The following CELSR1 variants were observed in gnomAD, a reference collection of about 807,000 sequenced individuals.
CELSR1 encodes the protein cadherin EGF LAG seven-pass G-type receptor 1, also known as adhesion G protein-coupled receptor C1.
Under a neutral mutation model 249.1 loss-of-function variants are expected in CELSR1, and 110 were observed. That is an observed-to-expected ratio of 0.44 (90% CI 0.38 to 0.52). CELSR1 has a LOEUF of 0.52. Ranked by LOEUF, CELSR1 falls within the 20% of genes least tolerant of loss-of-function variation. CELSR1 has a pLI of 0.00. For missense variants in CELSR1, 4,109 were observed against 4,296.4 expected (o/e 0.96, Z 1.22); for synonymous variants, 2,113 against 1,900.0 (o/e 1.11, Z -2.92).
At chr22:46,528,668 C>T (rs2080762142) in intron 1 of CELSR1, among the ~76,000 whole-genome samples, 1 of 152,234 alleles carries the variant, frequency 6.6e-6, no homozygotes, top group Admixed American at 6.5e-5. Context: ...GTGGCTCACG[C>T]CTGTAATCCC....
chr22:46,392,538 T>C (rs936367650), intron 14 of CELSR1, among the ~76,000 whole-genome samples: 4 of 152,230 alleles, frequency 2.6e-5, no homozygotes, highest in African/African-American at 9.6e-5. Flanking sequence ...TATGGGTTTT[T>C]ATTACATTTT....
intron 28 of CELSR1, 116 bp from the exon 29 acceptor site, chr22:46,367,234 C>T (rs1004513743): frequency 2.7e-5 from 37 of 1,352,896 alleles, no homozygotes; most frequent in South Asian, 7.3e-5. Context: ...TCCGGCCACA[C>T]GGCCCAGGAC....
chr22:46,403,623 G>C (rs1602086490), intron 9 of CELSR1, among the ~76,000 whole-genome samples: 1 of 152,064 alleles, frequency 6.6e-6, no homozygotes, highest in African/African-American at 2.4e-5. Flanking sequence ...TAACCTACTT[G>C]ATGTATATAG....
Position 46,536,036 on chromosome 22 carries a change from C to T in CELSR1, c.1135G>A (p.Asp379Asn). 1 of 1,610,426 alleles carries T rather than the reference C, an allele frequency of 6.2e-7. No individual in the cohort carries two copies. Among genetic ancestry groups the T allele is most frequent in the Non-Finnish European group, 8.5e-7 (1 of 1,179,888 alleles). ...TTGGCGTTGATGGGCGAGTCGCGGTCGCTGGCGCGGATGGTCAGCACCTCG... is the reference window on the plus strand; with the variant it reads ...TTGGCGTTGATGGGCGAGTCGCGGTTGCTGGCGCGGATGGTCAGCACCTCG... ...GYEVLTIRAS[D>N]RDSPINANLR... The change falls in exon 1 of 35, where the codon GAC becomes AAC. Residue 379 changes from aspartate to asparagine, a missense_variant. Asp to Asn is a conservative substitution (Grantham distance 23). Transcript: ENST00000674500.
intron 1 of CELSR1, among the ~76,000 whole-genome samples, chr22:46,529,435 G>A (rs924460082): frequency 9.2e-5 from 14 of 152,172 alleles, no homozygotes; most frequent in Admixed American, 9.2e-4. Context: ...GAGAATAGAA[G>A]AATGGTTACC....
At chr22:46,475,296 G>A (rs1234785377) in intron 1 of CELSR1, among the ~76,000 whole-genome samples, 4 of 152,156 alleles carry the variant, frequency 2.6e-5, no homozygotes, top group African/African-American at 4.8e-5. Context: ...CCTTAAAAAC[G>A]ACAGACACCC....
At chr22:46,515,286 G>A (rs1314137769) in intron 1 of CELSR1, among the ~76,000 whole-genome samples, 1 of 152,218 alleles carries the variant, frequency 6.6e-6, no homozygotes, top group Non-Finnish European at 1.5e-5. Flanking sequence ...GGGGAGAGCT[G>A]CACAGCTGTC....
In CELSR1 at chr22:46,536,778, G is replaced by A. The variant is rs1436530806; in HGVS notation, c.393C>T (p.Leu131=). The change falls in exon 1 of 35, where the codon CTC becomes CTT. Residue 131 remains leucine, a synonymous_variant. Coordinates refer to ENST00000674500, the MANE Select transcript of CELSR1 (RefSeq NM_001378328.1). ...CGTGARLCGA[L]CFPVPGGCAA... ...CGCAGCCGCCGGGGACGGGGAAGCA[G>A]AGCGCCCCGCAGAGCCGGGCACCGG... The A allele has an allele frequency of 3.4e-6, 4 of 1,185,876 alleles. No individual in the cohort carries two copies. The highest frequency in any genetic ancestry group is 1.6e-5 in the African/African-American group (1 of 61,398). 73.5% of individuals were successfully genotyped at this position (1,185,876 alleles called of 1,614,324 possible).
At chr22:46,515,776 G>A (rs1602231846) in intron 1 of CELSR1, among the ~76,000 whole-genome samples, 1 of 152,202 alleles carries the variant, frequency 6.6e-6, no homozygotes, top group East Asian at 1.9e-4. Flanking sequence ...GGCAGCCCCG[G>A]CAGGAGGATA....
chr22:46,509,064 A>G (rs1453466097), intron 1 of CELSR1, among the ~76,000 whole-genome samples: 1 of 152,068 alleles, frequency 6.6e-6, no homozygotes, highest in Non-Finnish European at 1.5e-5. Context: ...TCATCACACG[A>G]CACCTCCTAG....
At chr22:46,394,660 C>CG (rs1214837952) in intron 13 of CELSR1, among the ~76,000 whole-genome samples, 2 of 152,176 alleles carry the variant, frequency 1.3e-5, no homozygotes, top group African/African-American at 4.8e-5. Context: ...ATGAGATGCC[C>CG]GCAGGAAGCT....
At chr22:46,431,416 G>A (rs527379110) in intron 5 of CELSR1, among the ~76,000 whole-genome samples, 3 of 152,298 alleles carry the variant, frequency 2.0e-5, no homozygotes, top group African/African-American at 7.2e-5. Flanking sequence ...AGGCTGACTC[G>A]ACCTCCCCCT....
At chr22:46,415,104 G>C (rs1602103278) in intron 5 of CELSR1, among the ~76,000 whole-genome samples, 1 of 152,370 alleles carries the variant, frequency 6.6e-6, no homozygotes, top group East Asian at 1.9e-4. Context: ...GATGTTGCCA[G>C]GAGCTCAGGG....
In CELSR1 at chr22:46,526,107, G is replaced by A. The variant is rs1602242136; in HGVS notation, c.3544+7520C>T. ...GCTGAGGTGGGCGCCCTGCCCTGGT[G>A]AGTCCATGTCCCGTGGACCTGTGGC... is the stretch of plus-strand genomic sequence containing the variant. On this transcript the variant is annotated intron_variant, in intron 1 of 34. Transcript: ENST00000674500. The surrounding 1 kb of genome is among the most constrained non-coding windows in gnomAD (Gnocchi z 4.7). Among the ~76,000 whole-genome samples the A allele has an allele frequency of 6.6e-6, 1 of 152,214 alleles. No individual in the cohort carries two copies. Among genetic ancestry groups the A allele is most frequent in the South Asian group, 2.1e-4 (1 of 4,826 alleles).
Position 46,466,120 on chromosome 22 carries a change from C to T in CELSR1, c.3545-1775G>A, listed in dbSNP as rs575946295. 9.8e-5 allele frequency among the ~76,000 whole-genome samples: 15 copies of T among 152,294 alleles called. No homozygotes were observed. In the South Asian group the frequency reaches 3.1e-3, roughly 32 times the overall value. On this transcript the variant is annotated intron_variant, in intron 1 of 34. Coordinates refer to ENST00000674500, the MANE Select transcript of CELSR1 (RefSeq NM_001378328.1). ...AGGAAGGAGCAGCCCAGAGGGCGTC[C>T]GCAGAGCCCAGAGGCAGAGGACCAG...
Position 46,409,010 on chromosome 22 carries a change from T to C in CELSR1, c.5212A>G (p.Ser1738Gly). The part of the protein sequence containing the change: ...LMEATSGGPT[S>G]FRLQILNNYL... ...GCCCCAGTCACCTGGAGGCGAAAGC[T>C]GGTGGGCCCACCACTGGTGGCCTCC... Residue 1738 changes from serine (S) to glycine (G), a missense_variant, in exon 9 of 35, where the codon AGC (serine) becomes GGC (glycine). Ser to Gly is a moderately conservative substitution (Grantham distance 56, BLOSUM62 0). Coordinates refer to ENST00000674500, the MANE Select transcript of CELSR1 (RefSeq NM_001378328.1). The surrounding 1 kb of genome is among the most constrained non-coding windows in gnomAD (Gnocchi z 9.8). The C allele has an allele frequency of 1.9e-6, 3 of 1,609,044 alleles. No individual in the cohort carries two copies. The highest frequency in any genetic ancestry group is 1.7e-6 in the Non-Finnish European group (2 of 1,178,250).
rs764970757 is a variant in CELSR1 at position 46,437,475 on chromosome 22, C to T, written c.4407-1186G>A. On this transcript the variant is annotated intron_variant, in intron 3 of 34. Coordinates refer to ENST00000674500, the MANE Select transcript of CELSR1 (RefSeq NM_001378328.1). The surrounding 1 kb of genome is among the most constrained non-coding windows in gnomAD (Gnocchi z 4.9). ...TCTCTGGAGTTAAAATTGATGGTTT[C>T]GGCTGGCCGGTGGCTCACGCCTGTA... Among the ~76,000 whole-genome samples, 5 of 152,108 alleles carry T rather than the reference C, an allele frequency of 3.3e-5. No individual in the cohort carries two copies. The highest frequency in any genetic ancestry group is 6.6e-5 in the Admixed American group (1 of 15,264).
rs1332648401 is a variant in CELSR1 at position 46,410,878 on chromosome 22, G to T, written c.4770-317C>A. On this transcript the variant is annotated intron_variant, in intron 6 of 34. Coordinates refer to ENST00000674500, the MANE Select transcript of CELSR1 (RefSeq NM_001378328.1). The surrounding 1 kb of genome is among the most constrained non-coding windows in gnomAD (Gnocchi z 6.8). ...GGGAGCACAGGTCAAGGCCAGCAGG[G>T]ACTATACTTTACCCTTGCCTCTGAG... Among the ~76,000 whole-genome samples the T allele has an allele frequency of 1.3e-5, 2 of 151,852 alleles. No homozygotes were observed. The highest frequency in any genetic ancestry group is 4.8e-5 in the African/African-American group (2 of 41,360).
At position 46,411,226 on chromosome 22, in the gene CELSR1, AC is replaced by A. The variant is rs911985289; in HGVS notation, c.4769+375del. Among the ~76,000 whole-genome samples the A allele has an allele frequency of 6.6e-5, 10 of 152,232 alleles. No individual in the cohort carries two copies. The highest frequency in any genetic ancestry group is 1.9e-4 in the African/African-American group (8 of 41,550). ...AAAAAAACAAAACAACAACAAAAAA[AC>A]ATAAGCCTCTGGGACCAGCTGGCTG... On this transcript the variant is annotated intron_variant, in intron 6 of 34. Transcript: ENST00000674500. This position sits in a 1 kb window ranked among gnomAD's most constrained non-coding sequence, Gnocchi z 4.2.
Sources: allele counts gnomAD v4.1 joint callset (sites outside exome capture counted in the v4.1 genomes callset), GRCh38; gene constraint gnomAD v4.1.1; non-coding constraint Gnocchi (gnomAD v3.1); transcripts MANE v1.5; gene names NCBI Gene and HGNC (gene_info 2026-07-23, HGNC 2026-07-21).